Variants in ULK4 observed in about 807,000 individuals in gnomAD.
ULK4 encodes inactive serine/threonine-protein kinase ULK4.
ULK4 carries 133 observed loss-of-function variants against 160.6 expected under a neutral mutation model. The ratio of observed to expected loss-of-function variants is 0.83; its 90% CI spans 0.72 to 0.96. The LOEUF is 0.96. ULK4 is among the 40% of genes least tolerant of loss of function. The pLI is 0.00. For synonymous variants in ULK4, 534 were observed against 539.8 expected (o/e 0.99, Z 0.15); for missense variants, 1,580 against 1,499.5 (o/e 1.05, Z -0.89).
At chr3:41,746,709 A>T (rs1479660216) in intron 22 of ULK4, among the ~76,000 whole-genome samples, 4 of 151,928 alleles carry the variant, frequency 2.6e-5, no homozygotes, top group Non-Finnish European at 5.9e-5. Flanking sequence ...ATAAAAAGAG[A>T]GGAATCACTC....
rs191038879 is a variant in ULK4 at position 41,797,823 on chromosome 3, T to C, written c.2010+2309A>G. ...TTGCAGTGAGCCAAGATCACACCGT[T>C]GCACTCCAGCCTGGGTGACAAGAGC... On this transcript the variant is annotated intron_variant, in intron 20 of 36. Transcript: ENST00000301831. Among the ~76,000 whole-genome samples the C allele has an allele frequency of 2.6e-4, 39 of 149,680 alleles. No homozygotes were observed. The East Asian group carries it at 7.1e-3, about 27-fold the overall frequency.
At chr3:41,653,161 A>ACCACCT (rs2034807991) in intron 30 of ULK4, among the ~76,000 whole-genome samples, 1 of 152,036 alleles carries the variant, frequency 6.6e-6, no homozygotes, top group Non-Finnish European at 1.5e-5. Flanking sequence ...CATACCCACA[A>ACCACCT]CCACCTCCGT....
chr3:41,379,366 C>T (rs866399153), intron 35 of ULK4, among the ~76,000 whole-genome samples: 4 of 152,130 alleles, frequency 2.6e-5, no homozygotes, highest in South Asian at 2.1e-4. Flanking sequence ...CTAATCATTA[C>T]TTGCTTCAGG....
Position 41,705,280 on chromosome 3 carries a change from C to G in ULK4, c.2660G>C (p.Gly887Ala), listed in dbSNP as rs2036835126. The change falls in exon 26 of 37, where the codon GGA becomes GCA. Residue 887 changes from glycine to alanine, a missense_variant. Coordinates refer to ENST00000301831, the MANE Select transcript of ULK4 (RefSeq NM_017886.4). ...ILSHIKSVDSGETNIDGAIGL... is the reference protein window; with the variant it reads ...ILSHIKSVDSAETNIDGAIGL... Reference sequence around the variant, plus strand: ...TATGGCTCCATCTATGTTCGTTTCTCCTGAGTCTACAGATTTAATATGACT... The same window carrying G: ...TATGGCTCCATCTATGTTCGTTTCTGCTGAGTCTACAGATTTAATATGACT... 6.2e-7 allele frequency: 1 copy of G among 1,612,922 alleles called. No individual in the cohort carries two copies. The highest frequency in any genetic ancestry group is 2.2e-5 in the East Asian group (1 of 44,840).
chr3:41,260,710 A>G (rs1344291112), intron 35 of ULK4, among the ~76,000 whole-genome samples: 1 of 152,218 alleles, frequency 6.6e-6, no homozygotes, highest in African/African-American at 2.4e-5. Flanking sequence ...CAGAAGAGGT[A>G]GGCCCAGTCA....
intron 34 of ULK4, among the ~76,000 whole-genome samples, chr3:41,434,332 G>T (rs1434967502): frequency 6.6e-6 from 1 of 152,126 alleles, no homozygotes; most frequent in African/African-American, 2.4e-5. Context: ...TACTGATATG[G>T]AAATTTTGTT....
At chr3:41,775,549 C>T (rs189229614) in intron 21 of ULK4, among the ~76,000 whole-genome samples, 1 of 150,304 alleles carries the variant, frequency 6.7e-6, no homozygotes, top group African/African-American at 2.5e-5. Flanking sequence ...CAGGCACACA[C>T]CACCACACCC....
intron 2 of ULK4, among the ~76,000 whole-genome samples, chr3:41,953,285 C>CACATATATATATATATATATATATAT: frequency 1.2e-5 from 1 of 85,928 alleles, no homozygotes. Context: ...CATATATACA[C>CACATATATATATATATATATATATAT]ATATATATAT....
chr3:41,394,324 C>G (rs1271927966), intron 35 of ULK4, among the ~76,000 whole-genome samples: 5 of 152,120 alleles, frequency 3.3e-5, no homozygotes, highest in African/African-American at 1.2e-4. Flanking sequence ...TAGTATCACA[C>G]TCCTCTTTGG....
At chr3:41,613,224 T>C (rs2032786854) in intron 31 of ULK4, among the ~76,000 whole-genome samples, 1 of 152,126 alleles carries the variant, frequency 6.6e-6, no homozygotes, top group Admixed American at 6.5e-5. Context: ...ATCTATCAGC[T>C]CTAAGATGCA....
intron 30 of ULK4, among the ~76,000 whole-genome samples, chr3:41,621,128 T>C (rs2033227546): frequency 6.6e-6 from 1 of 152,100 alleles, no homozygotes. Flanking sequence ...CACAAACAAA[T>C]GGAAAATCAT....
At chr3:41,441,581 A>G (rs553652623) in intron 34 of ULK4, among the ~76,000 whole-genome samples, 2 of 152,074 alleles carry the variant, frequency 1.3e-5, no homozygotes, top group Non-Finnish European at 2.9e-5. Context: ...TGACTTGAAT[A>G]TTCTTAAGTT....
chr3:41,703,611 A>G (rs1232987116), intron 27 of ULK4, among the ~76,000 whole-genome samples: 2 of 152,122 alleles, frequency 1.3e-5, no homozygotes, highest in Non-Finnish European at 2.9e-5. Context: ...AAGGAATACA[A>G]AATAGACCCA....
At chr3:41,645,174 T>G (rs976027904) in intron 30 of ULK4, among the ~76,000 whole-genome samples, 1 of 149,538 alleles carries the variant, frequency 6.7e-6, no homozygotes, top group Non-Finnish European at 1.5e-5. Flanking sequence ...TTTGAAGGGT[T>G]TTTTGTGTCG....
chr3:41,418,380 T>C (rs1008913892), intron 34 of ULK4, among the ~76,000 whole-genome samples: 1 of 151,634 alleles, frequency 6.6e-6, no homozygotes. Context: ...ACAGTTTGTC[T>C]GCAAGTTTTT....
At chr3:41,787,141 G>C (rs1239514200) in intron 21 of ULK4, among the ~76,000 whole-genome samples, 1 of 152,098 alleles carries the variant, frequency 6.6e-6, no homozygotes, top group Non-Finnish European at 1.5e-5. Flanking sequence ...GAGCAAGTAG[G>C]GAGCCTAGAC....
chr3:41,551,786 C>T (rs970389693), intron 32 of ULK4, among the ~76,000 whole-genome samples: 1 of 151,808 alleles, frequency 6.6e-6, no homozygotes, highest in African/African-American at 2.4e-5. Flanking sequence ...CCAGCATTAC[C>T]AAATCCAGAT....
At chr3:41,789,569 A>T in intron 21 of ULK4, 92 bp downstream of exon 21, 1 of 1,267,204 alleles carries the variant, frequency 7.9e-7, no homozygotes, top group Non-Finnish European at 1.1e-6. Context: ...ATAAAAAATG[A>T]ATTCTACAAA....
intron 17 of ULK4, among the ~76,000 whole-genome samples, chr3:41,880,337 G>A (rs1697470560): frequency 6.6e-6 from 1 of 152,092 alleles, no homozygotes; most frequent in Non-Finnish European, 1.5e-5. Flanking sequence ...AGATACAGAT[G>A]TCAATAAATG....
Sources: allele counts gnomAD v4.1 joint callset (sites outside exome capture counted in the v4.1 genomes callset), GRCh38; gene constraint gnomAD v4.1.1; transcripts MANE v1.5; gene names NCBI Gene and HGNC (gene_info 2026-07-23, HGNC 2026-07-21).